TENM3: variants seen among roughly 807,000 people sequenced by gnomAD.
The protein encoded by TENM3 is teneurin-3.
TENM3 carries 63 observed loss-of-function variants against 255.1 expected under a neutral mutation model. That is an observed-to-expected ratio of 0.25 (90% CI 0.20 to 0.30). The LOEUF (loss-of-function observed/expected upper bound fraction) is 0.30, where lower values mean the gene tolerates loss of function less well. Among genes scored for constraint, TENM3 ranks in the 10% least tolerant of loss-of-function variants. The pLI is 1.00. For synonymous variants in TENM3, 1,306 were observed against 1,322.3 expected (o/e 0.99, Z 0.27); for missense variants, 2,929 against 3,461.1 (o/e 0.85, Z 3.86).
At chr4:181,957,482 C>A in the TENM3 span, among the ~76,000 whole-genome samples, 1 of 152,132 alleles carries the variant, frequency 6.6e-6, no homozygotes, top group Non-Finnish European at 1.5e-5. Context: ...TTTTATAAAC[C>A]AAAACCCAAT....
intron 1 of TENM3, among the ~76,000 whole-genome samples, chr4:182,243,955 T>TC (rs1174095712): frequency 7.3e-6 from 1 of 137,218 alleles, no homozygotes; most frequent in African/African-American, 2.8e-5. Context: ...TCTTTTTTTT[T>TC]TTTTTTTTTT....
the TENM3 span, among the ~76,000 whole-genome samples, chr4:181,911,189 C>T: frequency 9.2e-5 from 14 of 152,084 alleles, no homozygotes; most frequent in African/African-American, 2.2e-4. Context: ...ACAAAATTAG[C>T]GCTGAAACCT....
the TENM3 span, among the ~76,000 whole-genome samples, chr4:181,839,364 TATATATATATATATATATATAC>T: frequency 2.2e-4 from 14 of 62,480 alleles, 1 homozygote; most frequent in Middle Eastern, 7.4e-3. Flanking sequence ...TATATATATA[TATATATATATATATATATATAC>T]ACCTATATAC....
the TENM3 span, among the ~76,000 whole-genome samples, chr4:182,048,218 A>G: frequency 5.3e-5 from 8 of 152,234 alleles, no homozygotes; most frequent in African/African-American, 1.9e-4. Context: ...ATACTAAACT[A>G]TGATAAAATA....
chr4:181,992,679 G>T, the TENM3 span, among the ~76,000 whole-genome samples: 1 of 152,062 alleles, frequency 6.6e-6, no homozygotes, highest in African/African-American at 2.4e-5. Context: ...ATTTTGATCC[G>T]TGACAAATGG....
At chr4:182,394,939 C>T (rs796412412) in intron 3 of TENM3, among the ~76,000 whole-genome samples, 13 of 152,282 alleles carry the variant, frequency 8.5e-5, no homozygotes, top group African/African-American at 2.2e-4. Flanking sequence ...TTTGAGGTCA[C>T]GATTCATTCA....
At chr4:181,960,486 C>G in the TENM3 span, among the ~76,000 whole-genome samples, 1 of 152,174 alleles carries the variant, frequency 6.6e-6, no homozygotes, top group Non-Finnish European at 1.5e-5. Context: ...TGGATTGAGA[C>G]TGGTGATCTC....
chr4:181,577,209 A>T, the TENM3 span, among the ~76,000 whole-genome samples: 2,073 of 129,300 alleles, frequency 0.016, 44 homozygotes, highest in African/African-American at 0.055. Flanking sequence ...ATATATATAT[A>T]TTTTTTTTTT....
At chr4:181,616,853 G>A in the TENM3 span, among the ~76,000 whole-genome samples, 1 of 152,200 alleles carries the variant, frequency 6.6e-6, no homozygotes, top group Non-Finnish European at 1.5e-5. Flanking sequence ...CCCACCCACA[G>A]AGTTGAAGGC....
the TENM3 span, among the ~76,000 whole-genome samples, chr4:181,973,285 C>A: frequency 6.6e-6 from 1 of 151,950 alleles, no homozygotes; most frequent in African/African-American, 2.4e-5. Flanking sequence ...CATCAGTGAA[C>A]AAAGGATGAA....
At chr4:181,654,769 A>AG in the TENM3 span, among the ~76,000 whole-genome samples, 1 of 151,454 alleles carries the variant, frequency 6.6e-6, no homozygotes, top group Non-Finnish European at 1.5e-5. Context: ...AAAAAAAAAA[A>AG]AAAAAGAAGT....
At chr4:181,894,011 T>C in the TENM3 span, among the ~76,000 whole-genome samples, 4 of 150,880 alleles carry the variant, frequency 2.7e-5, no homozygotes, top group African/African-American at 7.4e-5. Context: ...TGGATAATCC[T>C]GTCTACATTT....
At chr4:181,494,286 G>T in the TENM3 span, among the ~76,000 whole-genome samples, 1 of 152,036 alleles carries the variant, frequency 6.6e-6, no homozygotes, top group Non-Finnish European at 1.5e-5. Context: ...GCCAAAGTCC[G>T]TTGGCTTCTT....
chr4:181,899,122 T>C, the TENM3 span, among the ~76,000 whole-genome samples: 1 of 152,024 alleles, frequency 6.6e-6, no homozygotes, highest in Admixed American at 6.5e-5. Context: ...TTTGGGCTAA[T>C]GTTTTTTTTC....
intron 3 of TENM3, among the ~76,000 whole-genome samples, chr4:182,568,424 C>T (rs544189117): frequency 1.3e-5 from 2 of 152,242 alleles, no homozygotes; most frequent in South Asian, 2.1e-4. Context: ...TTTGAATTAA[C>T]GGGAAGTGGC....
the TENM3 span, among the ~76,000 whole-genome samples, chr4:181,956,192 G>C: frequency 6.6e-6 from 1 of 152,056 alleles, no homozygotes; most frequent in Non-Finnish European, 1.5e-5. Flanking sequence ...ATTCATAAGG[G>C]CTCTGCTTCC....
At chr4:182,121,635 C>G in the TENM3 span, among the ~76,000 whole-genome samples, 13 of 152,274 alleles carry the variant, frequency 8.5e-5, no homozygotes, top group Admixed American at 7.8e-4. Context: ...GTCTAAAAAA[C>G]AATGTACATA....
At chr4:181,646,434 A>G in the TENM3 span, among the ~76,000 whole-genome samples, 1 of 152,178 alleles carries the variant, frequency 6.6e-6, no homozygotes. Flanking sequence ...GTTTTGACAG[A>G]GTTATGTGGA....
At chr4:182,205,822 C>T (rs965926620) in intron 1 of TENM3, among the ~76,000 whole-genome samples, 2 of 152,160 alleles carry the variant, frequency 1.3e-5, no homozygotes, top group African/African-American at 4.8e-5. Context: ...ATGCTCCCAA[C>T]TCACATCTGA....
Sources: gnomAD v4.1 joint callset for allele counts (sites outside exome capture counted in the v4.1 genomes callset) on GRCh38, gnomAD v4.1.1 for gene constraint, MANE v1.5 for transcripts, NCBI Gene and HGNC (gene_info 2026-07-23, HGNC 2026-07-21) for gene names.